The following RAI2 variants were observed in gnomAD, a reference collection of about 807,000 sequenced individuals.
The protein encoded by RAI2 is retinoic acid-induced protein 2.
RAI2 carries 5 observed loss-of-function variants against 15.3 expected under a neutral mutation model. That is an observed-to-expected ratio of 0.33 (90% CI 0.17 to 0.69). The LOEUF (loss-of-function observed/expected upper bound fraction) is 0.69. Ranked by LOEUF, RAI2 falls within the 30% of genes least tolerant of loss-of-function variation. The probability of loss-of-function intolerance (pLI) is 0.69; values close to 1 mark genes in which losing one functional copy is unlikely to be tolerated. For synonymous variants in RAI2, 191 were observed against 184.0 expected (o/e 1.04, Z -0.31); for missense variants, 424 against 424.7 (o/e 1.00, Z 0.01).
At chrX:17,814,834 G>C (rs902945919) in intron 1 of RAI2, among the ~76,000 whole-genome samples, 1 of 110,612 alleles carries the variant, frequency 9.0e-6, no homozygotes, top group Non-Finnish European at 1.9e-5. Context: ...TTCCTGGGAT[G>C]AGTCACAGAG....
At chrX:17,812,085 CATT>C (rs2067055387) in intron 1 of RAI2, among the ~76,000 whole-genome samples, 1 of 111,737 alleles carries the variant, frequency 8.9e-6, no homozygotes, top group South Asian at 3.8e-4. Context: ...ATGTCATTAG[CATT>C]ATTGTTGTCA....
At chrX:17,823,028 G>A (rs2067184749) in intron 1 of RAI2, among the ~76,000 whole-genome samples, 1 of 112,385 alleles carries the variant, frequency 8.9e-6, no homozygotes, top group Non-Finnish European at 1.9e-5. Flanking sequence ...ATAAATCCAA[G>A]AGAAGTCCTT....
intron 1 of RAI2, among the ~76,000 whole-genome samples, chrX:17,823,888 G>A (rs1439753075): frequency 9.0e-6 from 1 of 111,347 alleles, no homozygotes; most frequent in East Asian, 2.8e-4. Flanking sequence ...TCACCACTAC[G>A]TAAATGGATA....
chrX:17,802,896 A>G (rs1208280515), intron 1 of RAI2, among the ~76,000 whole-genome samples: 3 of 111,404 alleles, frequency 2.7e-5, no homozygotes, highest in Non-Finnish European at 3.8e-5. Flanking sequence ...GGCCAAAGGC[A>G]CCTAGCGCGT....
At chrX:17,861,077 C>G (rs1283540599) in intron 1 of RAI2, 21 bp downstream of exon 1, 2 of 106,671 alleles carry the variant, frequency 1.9e-5, no homozygotes, top group African/African-American at 6.7e-5. Context: ...CCGGCCCGCA[C>G]GGGGGCGCCG....
chrX:17,813,524 G>A (rs958198586), intron 1 of RAI2, among the ~76,000 whole-genome samples: 7 of 111,222 alleles, frequency 6.3e-5, no homozygotes, highest in Admixed American at 2.9e-4. Context: ...GATAAGAACC[G>A]ACAACTATGA....
At chrX:17,806,569 T>C (rs779577999) in intron 1 of RAI2, among the ~76,000 whole-genome samples, 10 of 110,364 alleles carry the variant, frequency 9.1e-5, no homozygotes, top group African/African-American at 3.0e-4. Context: ...ATGTAGCCCA[T>C]GTGCCCCCTG....
intron 1 of RAI2, among the ~76,000 whole-genome samples, chrX:17,816,477 G>A (rs1471409172): frequency 3.6e-5 from 4 of 112,160 alleles, no homozygotes; most frequent in Admixed American, 1.9e-4. Context: ...AGATGTCTTC[G>A]GTCTCTGACC....
At chrX:17,852,771 C>T (rs2067551586) in intron 1 of RAI2, among the ~76,000 whole-genome samples, 1 of 111,868 alleles carries the variant, frequency 8.9e-6, no homozygotes, top group Non-Finnish European at 1.9e-5. Flanking sequence ...AGAATTGCTT[C>T]AAGGAAACAA....
chrX:17,808,964 AAC>A (rs1316910357), intron 1 of RAI2, among the ~76,000 whole-genome samples: 1 of 112,474 alleles, frequency 8.9e-6, no homozygotes, highest in African/African-American at 3.2e-5. Context: ...CCAACTGGGT[AAC>A]AACTGGTTTT....
At chrX:17,839,363 C>A (rs2067372199) in intron 1 of RAI2, among the ~76,000 whole-genome samples, 1 of 112,225 alleles carries the variant, frequency 8.9e-6, no homozygotes, top group African/African-American at 3.2e-5. Context: ...CCCAGATCAG[C>A]CCTGACCTTC....
chrX:17,850,054 C>T (rs1233843201), intron 1 of RAI2, among the ~76,000 whole-genome samples: 1 of 112,023 alleles, frequency 8.9e-6, no homozygotes, highest in African/African-American at 3.2e-5. Flanking sequence ...AACCTGTAGA[C>T]GCCCTCCCAT....
chrX:17,851,525 C>T (rs1461977960), intron 1 of RAI2, among the ~76,000 whole-genome samples: 2 of 112,214 alleles, frequency 1.8e-5, no homozygotes, highest in African/African-American at 6.5e-5. Flanking sequence ...CTATTCTGTG[C>T]TTTCCTTGAC....
chrX:17,800,215 C>G lies in RAI2; in HGVS notation c.*203G>C. 2.3e-6 allele frequency: 1 copy of G among 440,553 alleles called. No individual in the cohort carries two copies. The highest frequency in any genetic ancestry group is 3.5e-6 in the Non-Finnish European group (1 of 283,714). 36.3% of individuals were successfully genotyped at this position (440,553 alleles called of 1,213,427 possible). The stretch of plus-strand genomic sequence containing the variant: ...TGCAATCTGCTTGAAAAATAGGTTG[C>G]TCTTATTTACTCATTTGTGAAAAGT... On this transcript the variant is annotated 3_prime_UTR_variant, in exon 2 of 2. Transcript: ENST00000451717.
At chrX:17,804,436 A>G (rs1264478011) in intron 1 of RAI2, among the ~76,000 whole-genome samples, 1 of 112,258 alleles carries the variant, frequency 8.9e-6, no homozygotes, top group African/African-American at 3.2e-5. Context: ...AGGCATCCAC[A>G]TCAGCAGGAC....
Position 17,801,633 on chromosome X carries a change from C to T in RAI2, c.378G>A (p.Leu126=), listed in dbSNP as rs757185172. 1.7e-6 allele frequency: 2 copies of T among 1,211,713 alleles called. No individual in the cohort carries two copies. The highest frequency in any genetic ancestry group is 1.8e-5 in the South Asian group (1 of 56,953). Residue 126 remains leucine, a synonymous_variant, in exon 2 of 2, where the codon CTG becomes CTA. Coordinates refer to ENST00000451717, the MANE Select transcript of RAI2 (RefSeq NM_021785.6). ...TGAGGTGCTGAAAGACGTGCTGCTC[C>T]AGCACCACGGGCAGTTGCACGGGGC... The part of the protein sequence containing the change: ...TQGPVQLPVV[L]EQHVFQHLNS...
chrX:17,814,007 G>T (rs1049183256), intron 1 of RAI2, among the ~76,000 whole-genome samples: 6 of 111,930 alleles, frequency 5.4e-5, no homozygotes, highest in Non-Finnish European at 1.1e-4. Flanking sequence ...CAACTAGCTA[G>T]TTGTCTTAGC....
intron 1 of RAI2, among the ~76,000 whole-genome samples, chrX:17,838,662 A>ACACACAG (rs1462289437): frequency 9.6e-6 from 1 of 104,458 alleles, no homozygotes; most frequent in Non-Finnish European, 2.0e-5. Context: ...CACACAGCAC[A>ACACACAG]CACACACACA....
chrX:17,814,252 C>T (rs1472796670), intron 1 of RAI2, among the ~76,000 whole-genome samples: 1 of 105,102 alleles, frequency 9.5e-6, no homozygotes, highest in Admixed American at 1.1e-4. Flanking sequence ...CACCCGCCCC[C>T]ATCCATCACT....
Sources: gnomAD v4.1 joint callset for allele counts (sites outside exome capture counted in the v4.1 genomes callset) on GRCh38, gnomAD v4.1.1 for gene constraint, MANE v1.5 for transcripts, NCBI Gene and HGNC (gene_info 2026-07-23, HGNC 2026-07-21) for gene names.